The following GFRA2 variants were observed in gnomAD, a reference collection of about 807,000 sequenced individuals.
GFRA2 encodes the protein GDNF family receptor alpha-2.
A neutral mutation model predicts 48.3 loss-of-function variants in GFRA2; 17 were observed. The ratio of observed to expected loss-of-function variants is 0.35; its 90% confidence interval spans 0.24 to 0.53. The LOEUF (loss-of-function observed/expected upper bound fraction) is 0.53, where lower values mean the gene tolerates loss of function less well. Among genes scored for constraint, GFRA2 ranks in the 20% least tolerant of loss-of-function variants. GFRA2 has a pLI of 0.93. For synonymous variants in GFRA2, 305 were observed against 257.2 expected (o/e 1.19, Z -1.78); for missense variants, 660 against 637.3 (o/e 1.04, Z -0.38).
At chr8:21,734,359 C>T (rs967274136) in intron 4 of GFRA2, among the ~76,000 whole-genome samples, 4 of 152,264 alleles carry the variant, frequency 2.6e-5, no homozygotes, top group Non-Finnish European at 5.9e-5. Context: ...GCCCCTGCTG[C>T]CTTCTGGGGG....
At chr8:21,761,173 A>C (rs2117646038) in intron 3 of GFRA2, among the ~76,000 whole-genome samples, 2 of 152,020 alleles carry the variant, frequency 1.3e-5, no homozygotes, top group Middle Eastern at 6.8e-3. Context: ...GATGTGCATC[A>C]CCTCCACACT....
At chr8:21,803,286 C>A (rs1457623075) in intron 2 of GFRA2, among the ~76,000 whole-genome samples, 16 of 152,208 alleles carry the variant, frequency 1.1e-4, no homozygotes, top group Admixed American at 1.0e-3. Flanking sequence ...ATGTCACTTT[C>A]ACCCACATCC....
intron 4 of GFRA2, among the ~76,000 whole-genome samples, chr8:21,716,902 G>C (rs1183384363): frequency 6.6e-6 from 1 of 152,198 alleles, no homozygotes; most frequent in Non-Finnish European, 1.5e-5. Flanking sequence ...AATCAGGTAA[G>C]ATTCTCATTA....
chr8:21,759,463 AGGG>A (rs1805772291), intron 3 of GFRA2, among the ~76,000 whole-genome samples: 2 of 101,088 alleles, frequency 2.0e-5, no homozygotes, highest in Non-Finnish European at 2.0e-5. Context: ...AGAGGGAGGG[AGGG>A]AGGGAGGGAA....
chr8:21,728,181 C>T (rs1482436259), intron 4 of GFRA2, among the ~76,000 whole-genome samples: 1 of 148,218 alleles, frequency 6.7e-6, no homozygotes, highest in Non-Finnish European at 1.5e-5. Flanking sequence ...TCACCATGAA[C>T]AAAATTCCCC....
chr8:21,755,137 G>A (rs2117614369), intron 3 of GFRA2, among the ~76,000 whole-genome samples: 1 of 152,260 alleles, frequency 6.6e-6, no homozygotes, highest in East Asian at 1.9e-4. Context: ...CTGTAATGGA[G>A]GATGCATGCC....
chr8:21,741,049 G>T (rs752422392), intron 4 of GFRA2, among the ~76,000 whole-genome samples: 2 of 152,106 alleles, frequency 1.3e-5, no homozygotes, highest in South Asian at 2.1e-4. Context: ...AGTCGTTCTC[G>T]CCTCCTCCCT....
upstream of GFRA2, among the ~76,000 whole-genome samples, chr8:21,791,077 A>T (rs1807565227): frequency 1.3e-5 from 2 of 152,186 alleles, no homozygotes; most frequent in African/African-American, 4.8e-5. Flanking sequence ...TCCAAACTCC[A>T]GAATTTCTGC....
Position 21,692,027 on chromosome 8 carries a change from A to G in GFRA2, c.*1251T>C, listed in dbSNP as rs751731806. ...CCGAGGCAGAGGCAGCTTGCTTCCT[A>G]GCACGTTTATTGGAGCCTTGGTTAA... On this transcript the variant is annotated 3_prime_UTR_variant, in exon 9 of 9. Coordinates refer to ENST00000524240, the MANE Select transcript of GFRA2 (RefSeq NM_001495.5). The G allele has an allele frequency of 2.0e-5, 3 of 152,686 alleles. No homozygotes were observed. Among genetic ancestry groups the G allele is most frequent in the Non-Finnish European group, 4.4e-5 (3 of 68,056 alleles). 9.5% of individuals were successfully genotyped at this position (152,686 alleles called of 1,614,324 possible). A position where few individuals can be genotyped will look rare whatever the true frequency, so the allele number is the denominator to read the frequency against.
rs377400074 is a variant in GFRA2 at position 21,739,785 on chromosome 8, G to T, written c.794+10803C>A. On this transcript the variant is annotated intron_variant, in intron 4 of 8. Transcript: ENST00000524240. ...CAGGGGCACCTCTCCAACAGCCCCTGCACTGTTCAAACACCTCCTCGAGGA... is the reference window on the plus strand; with the variant it reads ...CAGGGGCACCTCTCCAACAGCCCCTTCACTGTTCAAACACCTCCTCGAGGA... 9.8e-5 allele frequency among the ~76,000 whole-genome samples: 15 copies of T among 152,294 alleles called. No individual in the cohort carries two copies. The East Asian group carries it at 2.7e-3, about 27-fold the overall frequency.
At chr8:21,787,455 C>T (rs1306608931) in intron 1 of GFRA2, among the ~76,000 whole-genome samples, 1 of 152,192 alleles carries the variant, frequency 6.6e-6, no homozygotes, top group Non-Finnish European at 1.5e-5. Context: ...TGCTCACAAC[C>T]CTCCGCTCCC....
At chr8:21,708,515 CA>C (rs1184506116) in intron 4 of GFRA2, among the ~76,000 whole-genome samples, 3 of 152,000 alleles carry the variant, frequency 2.0e-5, no homozygotes, top group East Asian at 1.9e-4. Flanking sequence ...ACGTCCCCCA[CA>C]AAAAAAGTTG....
At chr8:21,713,057 CG>C (rs1803149422) in intron 4 of GFRA2, among the ~76,000 whole-genome samples, 1 of 129,304 alleles carries the variant, frequency 7.7e-6, no homozygotes, top group Admixed American at 7.1e-5. Context: ...GAGAGGGAGA[CG>C]AGGGAAAGGG....
intron 3 of GFRA2, among the ~76,000 whole-genome samples, chr8:21,770,485 C>G (rs1479203637): frequency 6.6e-6 from 1 of 152,162 alleles, no homozygotes; most frequent in African/African-American, 2.4e-5. Flanking sequence ...GATTGGAATC[C>G]CATCAACATG....
At chr8:21,798,007 A>G (rs1007059022) in intron 2 of GFRA2, among the ~76,000 whole-genome samples, 23 of 152,148 alleles carry the variant, frequency 1.5e-4, no homozygotes, top group African/African-American at 5.6e-4. Context: ...AAGTCACCAT[A>G]GTCACCATCA....
At chr8:21,727,658 A>G (rs1197352493) in intron 4 of GFRA2, among the ~76,000 whole-genome samples, 1 of 152,090 alleles carries the variant, frequency 6.6e-6, no homozygotes, top group East Asian at 1.9e-4. Context: ...CAGTCCGCCA[A>G]AACAGCGGGT....
At chr8:21,736,113 C>T (rs904688763) in intron 4 of GFRA2, among the ~76,000 whole-genome samples, 12 of 152,260 alleles carry the variant, frequency 7.9e-5, no homozygotes, top group Non-Finnish European at 1.5e-4. Context: ...TGCGCATACC[C>T]TTCCCCTGGA....
intron 1 of GFRA2, among the ~76,000 whole-genome samples, chr8:21,810,166 C>G (rs1325481465): frequency 6.6e-6 from 1 of 152,220 alleles, no homozygotes; most frequent in Non-Finnish European, 1.5e-5. Context: ...CCCTCCCACA[C>G]CTGAGCCACC....
At chr8:21,740,698 G>A (rs1261280449) in intron 4 of GFRA2, among the ~76,000 whole-genome samples, 2 of 152,110 alleles carry the variant, frequency 1.3e-5, no homozygotes, top group Non-Finnish European at 2.9e-5. Flanking sequence ...ATACGCTAAT[G>A]CCCCCAGAAT....
Sources: allele counts gnomAD v4.1 joint callset (sites outside exome capture counted in the v4.1 genomes callset), GRCh38; gene constraint gnomAD v4.1.1; transcripts MANE v1.5; gene names NCBI Gene and HGNC (gene_info 2026-07-23, HGNC 2026-07-21).